The following AFF3 variants were observed in gnomAD, a reference collection of about 807,000 sequenced individuals.
AFF3 encodes ALF transcription elongation factor 3, also known as AF4/FMR2 family member 3.
In AFF3, 32 loss-of-function variants were observed where a neutral mutation model predicts 129.7. The ratio of observed to expected loss-of-function variants is 0.25; its 90% CI spans 0.19 to 0.33. The LOEUF (loss-of-function observed/expected upper bound fraction) is 0.33, where lower values mean the gene tolerates loss of function less well. Ranked by LOEUF, AFF3 falls within the 10% of genes least tolerant of loss-of-function variation. AFF3 has a pLI of 1.00. For synonymous variants in AFF3, 644 were observed against 635.4 expected (o/e 1.01, Z -0.20); for missense variants, 1,373 against 1,592.0 (o/e 0.86, Z 2.34).
intron 7 of AFF3, among the ~76,000 whole-genome samples, chr2:99,855,871 C>T (rs1448856297): frequency 6.6e-6 from 1 of 152,130 alleles, no homozygotes; most frequent in Non-Finnish European, 1.5e-5. Context: ...GTCAACTGTG[C>T]TAAGTCATAT....
chr2:99,820,952 A>G (rs1020605041), intron 8 of AFF3, among the ~76,000 whole-genome samples: 2 of 141,276 alleles, frequency 1.4e-5, no homozygotes, highest in Non-Finnish European at 3.0e-5. Context: ...GGCTCACTGC[A>G]ACCTCTGCCT....
At chr2:99,561,672 C>T (rs971948014) in intron 20 of AFF3, among the ~76,000 whole-genome samples, 2 of 152,138 alleles carry the variant, frequency 1.3e-5, no homozygotes, top group Non-Finnish European at 2.9e-5. Context: ...GCCACTGTGC[C>T]TGGACTGCTG....
At chr2:99,873,124 C>T (rs1692008178) in intron 7 of AFF3, among the ~76,000 whole-genome samples, 1 of 152,206 alleles carries the variant, frequency 6.6e-6, no homozygotes, top group African/African-American at 2.4e-5. Context: ...CAGGCAGAAG[C>T]GCCTTGCACA....
intron 11 of AFF3, among the ~76,000 whole-genome samples, chr2:99,713,167 C>T (rs139764481): frequency 8.5e-5 from 13 of 152,136 alleles, no homozygotes; most frequent in Middle Eastern, 3.4e-3. Flanking sequence ...TGGTGACGGC[C>T]GCTCAACATG....
chr2:99,987,903 G>T (rs1029193813), intron 7 of AFF3, among the ~76,000 whole-genome samples: 4 of 152,180 alleles, frequency 2.6e-5, no homozygotes, highest in African/African-American at 9.6e-5. Flanking sequence ...AAAAAGAACT[G>T]CTCTGTGATT....
At chr2:99,577,807 T>C (rs1677141927) in intron 18 of AFF3, among the ~76,000 whole-genome samples, 1 of 152,228 alleles carries the variant, frequency 6.6e-6, no homozygotes. Flanking sequence ...ATGCTGGGAA[T>C]GGAAGTTATA....
intron 11 of AFF3, among the ~76,000 whole-genome samples, chr2:99,699,388 C>T (rs1676619819): frequency 6.6e-6 from 1 of 152,156 alleles, no homozygotes; most frequent in Non-Finnish European, 1.5e-5. Flanking sequence ...ATGCGGTTCA[C>T]CTAAATGACA....
intron 13 of AFF3, among the ~76,000 whole-genome samples, chr2:99,625,832 T>G (rs1440931975): frequency 8.5e-5 from 13 of 152,212 alleles, no homozygotes; most frequent in Non-Finnish European, 1.9e-4. Flanking sequence ...ATATTTCTCT[T>G]TAGAGCTTTT....
chr2:99,648,934 C>CTT (rs1684973196), intron 13 of AFF3, among the ~76,000 whole-genome samples: 4 of 119,312 alleles, frequency 3.4e-5, no homozygotes, highest in Non-Finnish European at 7.1e-5. Flanking sequence ...CTCTCTCTCT[C>CTT]TCTCCAATCT....
At chr2:99,559,469 A>G (rs1229883600) in intron 21 of AFF3, among the ~76,000 whole-genome samples, 1 of 152,236 alleles carries the variant, frequency 6.6e-6, no homozygotes, top group East Asian at 1.9e-4. Context: ...ATTATAAACA[A>G]CAAAAACACT....
intron 2 of AFF3, among the ~76,000 whole-genome samples, chr2:100,109,358 GA>G: frequency 6.9e-6 from 1 of 145,114 alleles, no homozygotes. Flanking sequence ...ATTTTAAAAA[GA>G]AAAAGGCAGG....
chr2:99,707,103 C>T (rs1037980059), intron 11 of AFF3: 24 of 985,194 alleles, frequency 2.4e-5, no homozygotes, highest in Middle Eastern at 5.2e-4. Flanking sequence ...AATATTCTTA[C>T]CCCGATGAAG....
chr2:99,973,821 T>C lies in AFF3; in HGVS notation c.873+32811A>G, dbSNP rs531200232. On this transcript the variant is annotated intron_variant, in intron 7 of 24. Coordinates refer to ENST00000672756, the MANE Select transcript of AFF3 (RefSeq NM_001386135.1). The stretch of plus-strand genomic sequence containing the variant: ...GGCCTGCTTGTTCGCTGTCCCTTTG[T>C]TGTGGCCCGCTCTGGGGCAGGGGTG... 6.6e-5 allele frequency among the ~76,000 whole-genome samples: 10 copies of C among 152,298 alleles called. No individual in the cohort carries two copies. In the South Asian group the frequency reaches 1.7e-3, roughly 25 times the overall value.
intron 4 of AFF3, among the ~76,000 whole-genome samples, chr2:100,016,609 T>TG (rs1198271188): frequency 1.4e-5 from 2 of 144,500 alleles, no homozygotes; most frequent in Non-Finnish European, 3.0e-5. Context: ...GTGGTAGTGG[T>TG]GGTAATGGTG....
At chr2:100,114,722 A>G (rs1304437175) in intron 2 of AFF3, among the ~76,000 whole-genome samples, 1 of 152,214 alleles carries the variant, frequency 6.6e-6, no homozygotes, top group Non-Finnish European at 1.5e-5. Context: ...TTTCACTAAC[A>G]GAAAGGGTGG....
chr2:99,839,617 CTT>C (rs147484099), intron 7 of AFF3, among the ~76,000 whole-genome samples: 1 of 143,480 alleles, frequency 7.0e-6, no homozygotes, highest in Non-Finnish European at 1.5e-5. Flanking sequence ...TTCTTTCTTT[CTT>C]TTTTTTTTTT....
chr2:100,131,107 C>T (rs1015390175), intron 1 of AFF3, among the ~76,000 whole-genome samples: 1 of 152,138 alleles, frequency 6.6e-6, no homozygotes, highest in African/African-American at 2.4e-5. Context: ...AAGAACGGGG[C>T]AGCTTACTAA....
intron 8 of AFF3, among the ~76,000 whole-genome samples, chr2:99,783,323 T>C (rs1684540704): frequency 6.6e-6 from 1 of 152,210 alleles, no homozygotes. Context: ...CCTCCTCTTC[T>C]AGAGCCTGCC....
intron 2 of AFF3, among the ~76,000 whole-genome samples, chr2:100,128,145 C>T (rs115578574): frequency 0.047 from 7,141 of 152,190 alleles, 449 homozygotes; most frequent in African/African-American, 0.15. Context: ...CCTTGTTTAG[C>T]GTATCATCCA....
Sources: gnomAD v4.1 joint callset for allele counts (sites outside exome capture counted in the v4.1 genomes callset) on GRCh38, gnomAD v4.1.1 for gene constraint, MANE v1.5 for transcripts, NCBI Gene and HGNC (gene_info 2026-07-23, HGNC 2026-07-21) for gene names.